ATP2A2: variants seen among roughly 807,000 people sequenced by gnomAD.
The protein encoded by ATP2A2 is sarcoplasmic/endoplasmic reticulum calcium ATPase 2.
In ATP2A2, 14 loss-of-function variants were observed where a neutral mutation model predicts 109.3. The observed-to-expected ratio is 0.13, with a 90% CI of 0.08 to 0.20. ATP2A2 has a LOEUF of 0.20. ATP2A2 is among the 10% of genes least tolerant of loss of function. The pLI is 1.00. For synonymous variants in ATP2A2, 506 were observed against 490.9 expected (o/e 1.03, Z -0.41); for missense variants, 657 against 1,321.6 (o/e 0.50, Z 7.80).
chr12:110,314,780 G>C (rs1438603555), intron 5 of ATP2A2, among the ~76,000 whole-genome samples: 16 of 151,876 alleles, frequency 1.1e-4, no homozygotes, highest in Admixed American at 1.0e-3. Context: ...TTTAAAATGA[G>C]ACAGGTATGT....
At chr12:110,288,602 G>T (rs144168036) in intron 3 of ATP2A2, among the ~76,000 whole-genome samples, 1 of 151,824 alleles carries the variant, frequency 6.6e-6, no homozygotes, top group Non-Finnish European at 1.5e-5. Context: ...ATGGGTTTTC[G>T]CCATGTTGGT....
intron 5 of ATP2A2, among the ~76,000 whole-genome samples, chr12:110,303,258 T>G (rs1034354332): frequency 6.6e-6 from 1 of 152,112 alleles, no homozygotes; most frequent in Non-Finnish European, 1.5e-5. Context: ...CAGAGTCTTG[T>G]TCTGTCACCC....
Position 110,296,680 on chromosome 12 carries a change from A to T in ATP2A2, c.406A>T (p.Ser136Cys). 1.2e-6 allele frequency: 2 copies of T among 1,614,202 alleles called. No homozygotes were observed. Among genetic ancestry groups the T allele is most frequent in the Non-Finnish European group, 1.7e-6 (2 of 1,180,024 alleles). The stretch of plus-strand genomic sequence containing the variant: ...CAAAGTGTATCGACAGGACAGAAAG[A>T]GTGTGCAGCGGATTAAAGCTAAAGA... Reference protein sequence around the residue: ...MGKVYRQDRKSVQRIKAKDIV... With the variant: ...MGKVYRQDRKCVQRIKAKDIV... The change falls in exon 5 of 20, where the codon AGT becomes TGT. Residue 136 changes from serine (S) to cysteine (C), a missense_variant. Ser to Cys is a moderately radical substitution (Grantham distance 112). Transcript: ENST00000539276.
At chr12:110,344,843 C>G in intron 16 of ATP2A2, 43 bp from the exon 17 acceptor site, 1 of 1,591,118 alleles carries the variant, frequency 6.3e-7, no homozygotes, top group South Asian at 1.1e-5. Flanking sequence ...GGCAGCGAGC[C>G]CTGCAGAGGC....
At chr12:110,332,548 AT>A in intron 8 of ATP2A2, 48 bp from the exon 9 acceptor site, 1 of 1,473,060 alleles carries the variant, frequency 6.8e-7, no homozygotes, top group African/African-American at 1.4e-5. Context: ...TTTGTGTAGC[AT>A]TTTTTAAAAA....
intron 5 of ATP2A2, among the ~76,000 whole-genome samples, chr12:110,302,278 C>G (rs967570734): frequency 1.3e-5 from 2 of 152,078 alleles, no homozygotes; most frequent in Non-Finnish European, 2.9e-5. Context: ...ACTTCCAGTT[C>G]CCCTCTTCCC....
chr12:110,347,883 C>T lies in ATP2A2; in HGVS notation c.*1413C>T, dbSNP rs1246845373. 1 of 998,056 alleles carries T rather than the reference C, an allele frequency of 1.0e-6. No homozygotes were observed. The highest frequency in any genetic ancestry group is 1.7e-5 in the African/African-American group (1 of 57,512). 61.8% of individuals were successfully genotyped at this position (998,056 alleles called of 1,614,324 possible). ...TGTATGTCACTAACTTATAAGCCGC[C>T]TCCATGGCAGATGCTGCTGTGCTCC... On this transcript the variant is annotated 3_prime_UTR_variant, in exon 20 of 20. Coordinates refer to ENST00000539276, the MANE Select transcript of ATP2A2 (RefSeq NM_170665.4).
intron 3 of ATP2A2, among the ~76,000 whole-genome samples, chr12:110,287,201 C>T (rs1441470351): frequency 3.9e-5 from 6 of 152,004 alleles, no homozygotes; most frequent in African/African-American, 9.7e-5. Context: ...TGCAGTGAGC[C>T]GAGATTGCGC....
Position 110,346,047 on chromosome 12 carries a change from A to G in ATP2A2, c.2788A>G (p.Ile930Val), listed in dbSNP as rs754534600. ...SLLRMPPWENIWLVGSICLSM... is the reference protein window; with the variant it reads ...SLLRMPPWENVWLVGSICLSM... ...GCTGAGGATGCCCCCCTGGGAGAACATCTGGCTCGTGGGCTCCATCTGCCT... is the reference window on the plus strand; with the variant it reads ...GCTGAGGATGCCCCCCTGGGAGAACGTCTGGCTCGTGGGCTCCATCTGCCT... Residue 930 changes from isoleucine (I) to valine (V), a missense_variant, in exon 19 of 20, where the codon ATC (isoleucine) becomes GTC (valine). By Grantham distance (29) the Ile-to-Val change is conservative. Around this residue, in one of 9 missense-constraint regions of ATP2A2, gnomAD observed 125 missense variants for 243.5 expected, o/e 0.51. Transcript: ENST00000539276. The G allele has an allele frequency of 6.2e-7, 1 of 1,614,096 alleles. No individual in the cohort carries two copies. Among genetic ancestry groups the G allele is most frequent in the Non-Finnish European group, 8.5e-7 (1 of 1,180,020 alleles).
At chr12:110,284,715 T>C (rs1872498051) in intron 3 of ATP2A2, among the ~76,000 whole-genome samples, 1 of 152,222 alleles carries the variant, frequency 6.6e-6, no homozygotes, top group Admixed American at 6.5e-5. Flanking sequence ...GAGTTGAAAT[T>C]TGAGCTCCTT....
chr12:110,285,870 A>G (rs1299295864), intron 3 of ATP2A2, among the ~76,000 whole-genome samples: 2 of 148,330 alleles, frequency 1.3e-5, no homozygotes, highest in Non-Finnish European at 3.0e-5. Flanking sequence ...GACCATTTGC[A>G]TGTGTGTGTC....
chr12:110,294,154 C>G (rs1238273136), intron 4 of ATP2A2, among the ~76,000 whole-genome samples: 1 of 152,002 alleles, frequency 6.6e-6, no homozygotes, highest in African/African-American at 2.4e-5. Context: ...CGCCATTCTC[C>G]TGTCTCAGCC....
At chr12:110,284,948 C>T (rs1872520016) in intron 3 of ATP2A2, among the ~76,000 whole-genome samples, 1 of 152,138 alleles carries the variant, frequency 6.6e-6, no homozygotes, top group Admixed American at 6.6e-5. Context: ...TTCATTCCTC[C>T]TGTCTGTATC....
chr12:110,339,368 C>A lies in ATP2A2; in HGVS notation c.1507C>A (p.Pro503Thr). 2 of 1,614,136 alleles carry A rather than the reference C, an allele frequency of 1.2e-6. No individual in the cohort carries two copies. Among genetic ancestry groups the A allele is most frequent in the Non-Finnish European group, 1.7e-6 (2 of 1,180,032 alleles). Residue 503 changes from proline to threonine, a missense_variant, in exon 12 of 20, where the codon CCA becomes ACA. Pro to Thr is a conservative substitution (Grantham distance 38, BLOSUM62 -1). This residue lies in a region of ATP2A2 where 180 missense variants were observed against 329.1 expected (regional missense o/e 0.55). Coordinates refer to ENST00000539276, the MANE Select transcript of ATP2A2 (RefSeq NM_170665.4). The surrounding 1 kb of genome is among the most constrained non-coding windows in gnomAD (Gnocchi z 4.4). Reference sequence around the variant, plus strand: ...GTCGGTTTACTGTACACCAAATAAACCAAGCAGGACATCAATGAGCAAGAT... The same window carrying A: ...GTCGGTTTACTGTACACCAAATAAAACAAGCAGGACATCAATGAGCAAGAT... ...SMSVYCTPNK[P>T]SRTSMSKMFV...
At position 110,326,103 on chromosome 12, in the gene ATP2A2, T is replaced by A. The variant is rs534153415; in HGVS notation, c.545-287T>A. 5 of 460,466 alleles carry A rather than the reference T, an allele frequency of 1.1e-5. No homozygotes were observed. In the East Asian group the frequency reaches 2.1e-4, roughly 19 times the overall value. 28.5% of individuals were successfully genotyped at this position (460,466 alleles called of 1,614,324 possible). A position where few individuals can be genotyped will look rare whatever the true frequency, so the allele number is the denominator to read the frequency against. ...ATAAAATGATTACTGAAAAATAAAT[T>A]AATTTGAATAGTTACTCCAGAAAAT... On this transcript the variant is annotated intron_variant, in intron 6 of 19. Coordinates refer to ENST00000539276, the MANE Select transcript of ATP2A2 (RefSeq NM_170665.4).
intron 5 of ATP2A2, among the ~76,000 whole-genome samples, chr12:110,321,544 C>T (rs189731493): frequency 6.6e-4 from 101 of 152,280 alleles, no homozygotes; most frequent in African/African-American, 2.2e-3. Context: ...GAACTCGGCT[C>T]ACTGCAACCG....
At chr12:110,325,439 G>A (rs1877689139) in intron 6 of ATP2A2, among the ~76,000 whole-genome samples, 1 of 151,884 alleles carries the variant, frequency 6.6e-6, no homozygotes, top group Non-Finnish European at 1.5e-5. Context: ...TTTGAGACCA[G>A]CCTTGGCCAA....
chr12:110,300,424 G>A (rs375644304), intron 5 of ATP2A2, among the ~76,000 whole-genome samples: 74 of 144,374 alleles, frequency 5.1e-4, no homozygotes, highest in Non-Finnish European at 8.6e-4. Flanking sequence ...GCACGATTGC[G>A]GCCCACTGCA....
At chr12:110,282,404 A>T (rs998018015) in intron 1 of ATP2A2, among the ~76,000 whole-genome samples, 200 bp from the exon 2 acceptor site, 1 of 152,198 alleles carries the variant, frequency 6.6e-6, no homozygotes, top group Non-Finnish European at 1.5e-5. Context: ...CAAAGAGTGC[A>T]TGCTTCCTTG....
Sources: allele counts gnomAD v4.1 joint callset (sites outside exome capture counted in the v4.1 genomes callset), GRCh38; gene constraint gnomAD v4.1.1; regional missense constraint gnomAD v4.1.1; non-coding constraint Gnocchi (gnomAD v3.1); transcripts MANE v1.5; gene names NCBI Gene and HGNC (gene_info 2026-07-23, HGNC 2026-07-21).